Variants in TIGD3 observed in about 807,000 individuals in gnomAD.
TIGD3 encodes the protein tigger transposable element derived 3.
A neutral mutation model predicts 14.8 loss-of-function variants in TIGD3; 7 were observed. That is an observed-to-expected ratio of 0.47 (90% CI 0.27 to 0.89). The LOEUF is 0.89. TIGD3 is among the 40% of genes least tolerant of loss of function. The pLI is 0.13. For synonymous variants in TIGD3, 243 were observed against 269.4 expected (o/e 0.90, Z 0.96); for missense variants, 581 against 611.0 (o/e 0.95, Z 0.52).
rs139590583 is a variant in TIGD3 at position 65,356,373 on chromosome 11, T to C, written c.565T>C (p.Phe189Leu). 1 of 1,611,194 alleles carries C rather than the reference T, an allele frequency of 6.2e-7. No individual in the cohort carries two copies. Among genetic ancestry groups the C allele is most frequent in the African/African-American group, 1.3e-5 (1 of 74,954 alleles). ...GCTGTATCGGGCAGTGCCCGGCAGCTTTGGTGCATGTGATCAAGTACAGGT... is the reference window on the plus strand; with the variant it reads ...GCTGTATCGGGCAGTGCCCGGCAGCCTTGGTGCATGTGATCAAGTACAGGT... Reference protein sequence around the residue: ...PLLYRAVPGSFGACDQVQVLL... With the variant: ...PLLYRAVPGSLGACDQVQVLL... Residue 189 changes from phenylalanine (F) to leucine (L), a missense_variant, in exon 2 of 2, where the codon TTT becomes CTT. Transcript: ENST00000309880. This position sits in a 1 kb window ranked among gnomAD's most constrained non-coding sequence, Gnocchi z 5.2.
intron 1 of TIGD3, among the ~76,000 whole-genome samples, chr11:65,355,427 G>A (rs1018757572): frequency 1.5e-3 from 80 of 52,632 alleles, no homozygotes; most frequent in African/African-American, 5.3e-3. Flanking sequence ...CTCCTCCCCC[G>A]CAGCCCCGTA....
chr11:65,356,267 G>T lies in TIGD3; in HGVS notation c.459G>T (p.Gly153=). ...TCCCCCCTGAGCCACCTCCCCCGGG[G>T]CTCACATCCCAGGCTCAGCTGCCTC... is the stretch of plus-strand genomic sequence containing the variant. ...PSFPPEPPPP[G]LTSQAQLPLS... The change falls in exon 2 of 2, where the codon GGG becomes GGT. Residue 153 remains glycine, a synonymous_variant. Coordinates refer to ENST00000309880, the MANE Select transcript of TIGD3 (RefSeq NM_145719.3). This position sits in a 1 kb window ranked among gnomAD's most constrained non-coding sequence, Gnocchi z 5.2. 6.2e-7 allele frequency: 1 copy of T among 1,612,948 alleles called. No individual in the cohort carries two copies.
At position 65,356,661 on chromosome 11, in the gene TIGD3, T is replaced by G; in HGVS notation, c.853T>G (p.Leu285Val). The G allele has an allele frequency of 6.2e-7, 1 of 1,613,138 alleles. No individual in the cohort carries two copies. The highest frequency in any genetic ancestry group is 8.5e-7 in the Non-Finnish European group (1 of 1,179,998). The change falls in exon 2 of 2, where the codon TTG becomes GTG. Residue 285 changes from leucine (L) to valine (V), a missense_variant. Physicochemically the swap from Leu to Val is conservative, Grantham distance 32. Coordinates refer to ENST00000309880, the MANE Select transcript of TIGD3 (RefSeq NM_145719.3). The surrounding 1 kb of genome is among the most constrained non-coding windows in gnomAD (Gnocchi z 5.2). Reference protein sequence around the residue: ...GLPGLYHVKLLPLAASSTTPP... With the variant: ...GLPGLYHVKLVPLAASSTTPP... Reference sequence around the variant, plus strand: ...GCCTGGGCTCTACCACGTGAAGCTCTTGCCTCTGGCCGCCTCTAGCACCAC... The same window carrying G: ...GCCTGGGCTCTACCACGTGAAGCTCGTGCCTCTGGCCGCCTCTAGCACCAC...
At position 65,355,961 on chromosome 11, in the gene TIGD3, TAAG is replaced by T; in HGVS notation, c.154_156del (p.Lys52del). 6.2e-7 allele frequency: 1 copy of T among 1,613,926 alleles called. No individual in the cohort carries two copies. The highest frequency in any genetic ancestry group is 8.5e-7 in the Non-Finnish European group (1 of 1,180,028). Reference sequence around the variant, plus strand: ...CCCAGATCTCGCGCATCTGCAAGAATAAGGAGAAGCTGCTGGCGGACTGGTGCA... The same window carrying T: ...CCCAGATCTCGCGCATCTGCAAGAATGAGAAGCTGCTGGCGGACTGGTGCA... On this transcript the variant is annotated inframe_deletion, in exon 2 of 2. Transcript: ENST00000309880.
intron 1 of TIGD3, 98 bp from the exon 2 acceptor site, chr11:65,355,695 C>A: frequency 1.9e-6 from 2 of 1,043,578 alleles, no homozygotes; most frequent in African/African-American, 1.6e-5. Flanking sequence ...CCGGTGCCTG[C>A]GCAAGTCCTC....
chr11:65,356,810 C>T lies in TIGD3; in HGVS notation c.1002C>T (p.Gly334=). ...DGTSLAEAGA[G]ITVLDALHVA... ...CCTCGCTGGCCGAGGCCGGGGCAGG[C>T]ATCACCGTGCTGGACGCCCTGCACG... is the stretch of plus-strand genomic sequence containing the variant. The change falls in exon 2 of 2, where the codon GGC becomes GGT. Residue 334 remains glycine, a synonymous_variant. Coordinates refer to ENST00000309880, the MANE Select transcript of TIGD3 (RefSeq NM_145719.3). The surrounding 1 kb of genome is among the most constrained non-coding windows in gnomAD (Gnocchi z 5.2). The T allele has an allele frequency of 6.2e-7, 1 of 1,613,002 alleles. No homozygotes were observed. The highest frequency in any genetic ancestry group is 8.5e-7 in the Non-Finnish European group (1 of 1,179,892).
rs1412292482 is a variant in TIGD3, at chr11:65,357,486, T to C, written c.*262T>C. Reference sequence around the variant, plus strand: ...ACCCTGCTTGAAAGTTCTAGAGCCTTTGAAAGGGAGTTAGTCTAGAGGCAG... The same window carrying C: ...ACCCTGCTTGAAAGTTCTAGAGCCTCTGAAAGGGAGTTAGTCTAGAGGCAG... On this transcript the variant is annotated 3_prime_UTR_variant, in exon 2 of 2. Transcript: ENST00000309880. 5 of 436,658 alleles carry C rather than the reference T, an allele frequency of 1.1e-5. No individual in the cohort carries two copies. Among genetic ancestry groups the C allele is most frequent in the Non-Finnish European group, 2.1e-5 (5 of 234,854 alleles). 27.0% of individuals were successfully genotyped at this position (436,658 alleles called of 1,614,324 possible).
In TIGD3 at chr11:65,355,785, C is replaced by A; in HGVS notation, c.-16-8C>A. 1 of 1,592,074 alleles carries A rather than the reference C, an allele frequency of 6.3e-7. No homozygotes were observed. The highest frequency in any genetic ancestry group is 8.6e-7 in the Non-Finnish European group (1 of 1,168,548). On this transcript the variant is annotated splice_polypyrimidine_tract_variant and splice_region_variant and intron_variant, in intron 1 of 1. Coordinates refer to ENST00000309880, the MANE Select transcript of TIGD3 (RefSeq NM_145719.3). ...ACTCTACCCGCTCAATCTTTCCTCCCCGCACAGGTGCCCCGGAGAGGCCAT... is the reference window on the plus strand; with the variant it reads ...ACTCTACCCGCTCAATCTTTCCTCCACGCACAGGTGCCCCGGAGAGGCCAT...
Position 65,356,163 on chromosome 11 carries a change from C to T in TIGD3, c.355C>T (p.Pro119Ser). The T allele has an allele frequency of 1.2e-6, 2 of 1,612,280 alleles. No individual in the cohort carries two copies. The highest frequency in any genetic ancestry group is 1.1e-5 in the South Asian group (1 of 91,074). Residue 119 changes from proline (P) to serine (S), a missense_variant, in exon 2 of 2, where the codon CCC (proline) becomes TCC (serine). Coordinates refer to ENST00000309880, the MANE Select transcript of TIGD3 (RefSeq NM_145719.3). This position sits in a 1 kb window ranked among gnomAD's most constrained non-coding sequence, Gnocchi z 5.2. Reference protein sequence around the residue: ...LADIMGQDFVPSIGWLVRWKR... With the variant: ...LADIMGQDFVSSIGWLVRWKR... ...CGATATCATGGGCCAGGACTTCGTG[C>T]CCAGCATCGGCTGGCTGGTCCGCTG...
In TIGD3 at chr11:65,357,190, G is replaced by A. The variant is rs753514170; in HGVS notation, c.1382G>A (p.Cys461Tyr). 3.1e-6 allele frequency: 5 copies of A among 1,614,200 alleles called. No individual in the cohort carries two copies. In the South Asian group the frequency reaches 4.4e-5, roughly 14 times the overall value. The stretch of plus-strand genomic sequence containing the variant: ...GAGCTATTCGAAAAATTCTACGACT[G>A]TGAGGAGGAGGTGGAGCGGCTTTGC... ...SPELFEKFYD[C>Y]EEEVERLCCL The change falls in exon 2 of 2, where the codon TGT becomes TAT. Residue 461 changes from cysteine (C) to tyrosine (Y), a missense_variant. By Grantham distance (194) the Cys-to-Tyr change is radical. Coordinates refer to ENST00000309880, the MANE Select transcript of TIGD3 (RefSeq NM_145719.3).
chr11:65,357,308 C>T lies in TIGD3; in HGVS notation c.*84C>T. 3 of 1,280,458 alleles carry T rather than the reference C, an allele frequency of 2.3e-6. No individual in the cohort carries two copies. Among genetic ancestry groups the T allele is most frequent in the Non-Finnish European group, 3.3e-6 (3 of 914,452 alleles). 79.3% of individuals were successfully genotyped at this position (1,280,458 alleles called of 1,614,324 possible). On this transcript the variant is annotated 3_prime_UTR_variant, in exon 2 of 2. Coordinates refer to ENST00000309880, the MANE Select transcript of TIGD3 (RefSeq NM_145719.3). The stretch of plus-strand genomic sequence containing the variant: ...CTTCAGAAGGCAGATCGGGCTGTCT[C>T]TTTCCTGTGGAAATAGAACTGTCGT...
Position 65,356,865 on chromosome 11 carries a change from C to T in TIGD3, c.1057C>T (p.Pro353Ser), listed in dbSNP as rs1176407792. The change falls in exon 2 of 2, where the codon CCT (proline) becomes TCT (serine). Residue 353 changes from proline to serine, a missense_variant. Transcript: ENST00000309880. This position sits in a 1 kb window ranked among gnomAD's most constrained non-coding sequence, Gnocchi z 5.2. ...VASAAWAKVP[P>S]QLIFSSFIQE... ...GTCTGCCGCCTGGGCCAAGGTGCCTCCTCAGCTCATTTTCAGCAGCTTCAT... is the reference window on the plus strand; with the variant it reads ...GTCTGCCGCCTGGGCCAAGGTGCCTTCTCAGCTCATTTTCAGCAGCTTCAT... 6.2e-7 allele frequency: 1 copy of T among 1,613,580 alleles called. No homozygotes were observed. The highest frequency in any genetic ancestry group is 8.5e-7 in the Non-Finnish European group (1 of 1,180,040).
rs1249581485 is a variant in TIGD3, at chr11:65,356,201, C to T, written c.393C>T (p.Asn131=). 6.2e-7 allele frequency: 1 copy of T among 1,612,076 alleles called. No homozygotes were observed. The highest frequency in any genetic ancestry group is 8.5e-7 in the Non-Finnish European group (1 of 1,179,946). ...GGCTGGTCCGCTGGAAACGCCGAAA[C>T]AACGTCGGCTTTGGGGCCCGCCATG... is the stretch of plus-strand genomic sequence containing the variant. ...IGWLVRWKRR[N]NVGFGARHVL... is the part of the protein sequence containing the mutation. Residue 131 remains asparagine (N), a synonymous_variant, in exon 2 of 2, where the codon AAC becomes AAT. Coordinates refer to ENST00000309880, the MANE Select transcript of TIGD3 (RefSeq NM_145719.3). This position sits in a 1 kb window ranked among gnomAD's most constrained non-coding sequence, Gnocchi z 5.2.
In TIGD3 at chr11:65,354,880, T is replaced by A. The variant is rs1429776998; in HGVS notation, c.-94T>A. The A allele has an allele frequency of 1.3e-5, 2 of 151,708 alleles. No homozygotes were observed. Among genetic ancestry groups the A allele is most frequent in the African/African-American group, 4.8e-5 (2 of 41,410 alleles). 9.4% of individuals were successfully genotyped at this position (151,708 alleles called of 1,614,324 possible). On this transcript the variant is annotated 5_prime_UTR_variant, in exon 1 of 2. Coordinates refer to ENST00000309880, the MANE Select transcript of TIGD3 (RefSeq NM_145719.3). ...GGTCGTGGCGCCCATCCCTCCCCTG[T>A]TCTGCTGTCGCCGCCCGGACAGGGG...
In TIGD3 at chr11:65,356,099, G is replaced by A; in HGVS notation, c.291G>A (p.Val97=). Residue 97 remains valine, a synonymous_variant, in exon 2 of 2, where the codon GTG becomes GTA. Transcript: ENST00000309880. The surrounding 1 kb of genome is among the most constrained non-coding windows in gnomAD (Gnocchi z 5.2). ...YHIARAKAWD[V]TGPMLLHKAK... is the part of the protein sequence containing the mutation. Reference sequence around the variant, plus strand: ...TTGCCCGGGCCAAGGCCTGGGACGTGACGGGGCCCATGCTGCTCCACAAAG... The same window carrying A: ...TTGCCCGGGCCAAGGCCTGGGACGTAACGGGGCCCATGCTGCTCCACAAAG... The A allele has an allele frequency of 6.2e-7, 1 of 1,611,480 alleles. No homozygotes were observed. The highest frequency in any genetic ancestry group is 2.2e-5 in the East Asian group (1 of 44,890).
At position 65,356,846 on chromosome 11, in the gene TIGD3, C is replaced by T. The variant is rs1361230848; in HGVS notation, c.1038C>T (p.Ala346=). 1.9e-6 allele frequency: 3 copies of T among 1,613,216 alleles called. No individual in the cohort carries two copies. The highest frequency in any genetic ancestry group is 2.5e-6 in the Non-Finnish European group (3 of 1,180,026). The change falls in exon 2 of 2, where the codon GCC becomes GCT. Residue 346 remains alanine (A), a synonymous_variant. Transcript: ENST00000309880. The surrounding 1 kb of genome is among the most constrained non-coding windows in gnomAD (Gnocchi z 5.2). The part of the protein sequence containing the change: ...TVLDALHVAS[A]AWAKVPPQLI... Reference sequence around the variant, plus strand: ...TGGACGCCCTGCACGTGGCGTCTGCCGCCTGGGCCAAGGTGCCTCCTCAGC... The same window carrying T: ...TGGACGCCCTGCACGTGGCGTCTGCTGCCTGGGCCAAGGTGCCTCCTCAGC...
chr11:65,355,715 C>G (rs536962368), intron 1 of TIGD3, 78 bp from the exon 2 acceptor site: 128 of 1,255,334 alleles, frequency 1.0e-4, no homozygotes, highest in Non-Finnish European at 1.3e-4. Flanking sequence ...CATCTAATCT[C>G]TTTTCCCTCC....
At chr11:65,355,667 C>T (rs1854839135) in intron 1 of TIGD3, 126 bp from the exon 2 acceptor site, 1 of 807,214 alleles carries the variant, frequency 1.2e-6, no homozygotes, top group African/African-American at 1.7e-5. Flanking sequence ...CTTCCTCTTT[C>T]AGCGGGTCCA....
At position 65,357,491 on chromosome 11, in the gene TIGD3, A is replaced by G; in HGVS notation, c.*267A>G. The stretch of plus-strand genomic sequence containing the variant: ...GCTTGAAAGTTCTAGAGCCTTTGAA[A>G]GGGAGTTAGTCTAGAGGCAGCCACT... On this transcript the variant is annotated 3_prime_UTR_variant, in exon 2 of 2. Transcript: ENST00000309880. 2.4e-6 allele frequency: 1 copy of G among 425,380 alleles called. No individual in the cohort carries two copies. The highest frequency in any genetic ancestry group is 4.4e-6 in the Non-Finnish European group (1 of 227,764). 26.4% of individuals were successfully genotyped at this position (425,380 alleles called of 1,614,324 possible).
Sources: allele counts gnomAD v4.1 joint callset (sites outside exome capture counted in the v4.1 genomes callset), GRCh38; gene constraint gnomAD v4.1.1; non-coding constraint Gnocchi (gnomAD v3.1); transcripts MANE v1.5; gene names NCBI Gene and HGNC (gene_info 2026-07-23, HGNC 2026-07-21).